Variants in OR14A2 observed in about 807,000 individuals in gnomAD.
The protein encoded by OR14A2 is olfactory receptor family 14 subfamily A member 2.
For synonymous variants in OR14A2, 114 were observed against 58.6 expected (o/e 1.95, Z -4.32); for missense variants, 237 against 152.9 (o/e 1.55, Z -2.90).
At chr1:247,733,016 C>A in the OR14A2 span, among the ~76,000 whole-genome samples, 3 of 152,094 alleles carry the variant, frequency 2.0e-5, no homozygotes, top group Non-Finnish European at 4.4e-5. Flanking sequence ...TATTTGAAAG[C>A]CTTAGTGGGA....
At chr1:247,728,334 C>T (rs1245261641), upstream of OR14A2, among the ~76,000 whole-genome samples, 8 of 152,072 alleles carry the variant, frequency 5.3e-5, no homozygotes, top group African/African-American at 1.9e-4. Flanking sequence ...ACATGATTAT[C>T]TCAATAGATG....
the OR14A2 span, among the ~76,000 whole-genome samples, chr1:247,740,552 A>G: frequency 6.6e-6 from 1 of 152,230 alleles, no homozygotes; most frequent in South Asian, 2.1e-4. Context: ...TAATGTGTTG[A>G]TTCCTGACTT....
chr1:247,740,531 T>C, the OR14A2 span, among the ~76,000 whole-genome samples: 1 of 152,226 alleles, frequency 6.6e-6, no homozygotes, highest in South Asian at 2.1e-4. Flanking sequence ...TCATTAAAAC[T>C]TCTTTTTCTC....
At chr1:247,746,114 G>A in the OR14A2 span, 3 of 152,218 alleles carry the variant, frequency 2.0e-5, no homozygotes, top group Non-Finnish European at 4.4e-5. Context: ...AATTCATGCC[G>A]TTATTGTTTT....
the OR14A2 span, among the ~76,000 whole-genome samples, chr1:247,747,689 G>A: frequency 2.6e-5 from 4 of 152,052 alleles, no homozygotes; most frequent in Admixed American, 6.6e-5. Context: ...AAATGAGTTT[G>A]GTCCCATTAG....
chr1:247,723,244 A>G (rs1398354305), exon 1 of OR14A2: 4 of 717,636 alleles, frequency 5.6e-6, no homozygotes, highest in Non-Finnish European at 1.0e-5. Flanking sequence ...CCTGTCAATA[A>G]CAGATGGTGA....
At chr1:247,737,333 G>C in the OR14A2 span, among the ~76,000 whole-genome samples, 8 of 152,176 alleles carry the variant, frequency 5.3e-5, no homozygotes, top group Non-Finnish European at 1.0e-4. Flanking sequence ...ACAACAAAGT[G>C]AGACTCTCTT....
the OR14A2 span, among the ~76,000 whole-genome samples, chr1:247,745,691 G>A: frequency 6.6e-6 from 1 of 151,864 alleles, no homozygotes; most frequent in African/African-American, 2.4e-5. Context: ...CAAAAATATA[G>A]GGAAAAGTTA....
At chr1:247,731,554 A>C in the OR14A2 span, among the ~76,000 whole-genome samples, 1 of 151,354 alleles carries the variant, frequency 6.6e-6, no homozygotes, top group Non-Finnish European at 1.5e-5. Context: ...ATCTATAATT[A>C]TTTTTTCTGG....
At chr1:247,725,078 G>T (rs942401190), upstream of OR14A2, among the ~76,000 whole-genome samples, 2 of 151,752 alleles carry the variant, frequency 1.3e-5, no homozygotes, top group Admixed American at 1.3e-4. Flanking sequence ...GGCAGAAAAA[G>T]AACAAATAAA....
chr1:247,738,475 C>T, the OR14A2 span: 4 of 602,226 alleles, frequency 6.6e-6, no homozygotes, highest in South Asian at 8.2e-5. Context: ...ATATAAATTG[C>T]TTGATATTTT....
At chr1:247,728,199 G>A (rs1660429469), upstream of OR14A2, among the ~76,000 whole-genome samples, 1 of 152,124 alleles carries the variant, frequency 6.6e-6, no homozygotes, top group Non-Finnish European at 1.5e-5. Context: ...ACCGAATCCA[G>A]CAGCACATCA....
At chr1:247,724,928 G>C (rs1410086290), upstream of OR14A2, among the ~76,000 whole-genome samples, 1 of 151,764 alleles carries the variant, frequency 6.6e-6, no homozygotes, top group African/African-American at 2.4e-5. Flanking sequence ...TCAATTATTA[G>C]TTACTGATGT....
chr1:247,733,407 A>C, the OR14A2 span, among the ~76,000 whole-genome samples: 1 of 152,216 alleles, frequency 6.6e-6, no homozygotes, highest in Non-Finnish European at 1.5e-5. Context: ...AAAACCAAAG[A>C]AATGCATTGG....
upstream of OR14A2, chr1:247,724,070 G>C: frequency 1.5e-6 from 1 of 656,874 alleles, no homozygotes; most frequent in South Asian, 1.8e-5. Context: ...TGCCTGTCAA[G>C]GTGAGAAAAT....
chr1:247,745,087 A>C, the OR14A2 span, among the ~76,000 whole-genome samples: 1 of 152,150 alleles, frequency 6.6e-6, no homozygotes, highest in Non-Finnish European at 1.5e-5. Context: ...CCTGAAAATT[A>C]AAGGGGCTAT....
At chr1:247,747,934 G>A in the OR14A2 span, among the ~76,000 whole-genome samples, 1 of 152,186 alleles carries the variant, frequency 6.6e-6, no homozygotes, top group East Asian at 1.9e-4. Context: ...TGAGAGTACC[G>A]GAAAGTGACC....
At chr1:247,737,489 C>T in the OR14A2 span, among the ~76,000 whole-genome samples, 1 of 152,218 alleles carries the variant, frequency 6.6e-6, no homozygotes, top group Non-Finnish European at 1.5e-5. Context: ...TGACTTATAG[C>T]TCAACATGAG....
chr1:247,740,000 G>A, the OR14A2 span, among the ~76,000 whole-genome samples: 254 of 152,198 alleles, frequency 1.7e-3, no homozygotes, highest in Non-Finnish European at 3.0e-3. Flanking sequence ...GTAAGCCACC[G>A]TGCCCATCTC....
Sources: gnomAD v4.1 joint callset for allele counts (sites outside exome capture counted in the v4.1 genomes callset) on GRCh38, gnomAD v4.1.1 for gene constraint, MANE v1.5 for transcripts, NCBI Gene and HGNC (gene_info 2026-07-23, HGNC 2026-07-21) for gene names.